Variants in PACS1 observed in about 807,000 individuals in gnomAD.
The protein encoded by PACS1 is phosphofurin acidic cluster sorting protein 1, also known as PACS-1.
Under a neutral mutation model 115.0 loss-of-function variants are expected in PACS1, and 24 were observed. That is an observed-to-expected ratio of 0.21 (90% CI 0.15 to 0.29). PACS1 has a LOEUF of 0.29. PACS1 is among the 10% of genes least tolerant of loss of function. PACS1 has a pLI of 1.00. For missense variants in PACS1, 838 were observed against 1,251.2 expected (o/e 0.67, Z 4.98); for synonymous variants, 453 against 504.5 (o/e 0.90, Z 1.37).
intron 1 of PACS1, among the ~76,000 whole-genome samples, chr11:66,168,565 C>T (rs1420218914): frequency 1.3e-5 from 2 of 150,220 alleles, no homozygotes; most frequent in Non-Finnish European, 2.9e-5. Flanking sequence ...CACCTAGCTG[C>T]TTACAATGTC....
intron 1 of PACS1, among the ~76,000 whole-genome samples, chr11:66,143,620 A>G (rs1248967112): frequency 1.3e-5 from 2 of 152,100 alleles, no homozygotes; most frequent in Admixed American, 1.3e-4. Context: ...TAGTTTGGGA[A>G]GCCATTTGCT....
intron 1 of PACS1, among the ~76,000 whole-genome samples, chr11:66,080,863 A>T (rs1459491445): frequency 6.6e-6 from 1 of 152,136 alleles, no homozygotes; most frequent in Non-Finnish European, 1.5e-5. Context: ...GTCAGATTTT[A>T]CTATTTGAGT....
chr11:66,216,563 G>A lies in PACS1; in HGVS notation c.849G>A (p.Glu283=), dbSNP rs1855214142. 6.2e-7 allele frequency: 1 copy of A among 1,614,188 alleles called. No homozygotes were observed. Among genetic ancestry groups the A allele is most frequent in the Non-Finnish European group, 8.5e-7 (1 of 1,180,006 alleles). ...ACAATTATTCTGAGGAAGAGGAAGA[G>A]AGTTTCTCATCAGAACAGGAAGGCA... ...DIDNYSEEEE[E]SFSSEQEGSD... is the part of the protein sequence containing the mutation. The change falls in exon 6 of 24, where the codon GAG becomes GAA. Residue 283 remains glutamate (E), a synonymous_variant. Coordinates refer to ENST00000320580, the MANE Select transcript of PACS1 (RefSeq NM_018026.4).
intron 2 of PACS1, among the ~76,000 whole-genome samples, chr11:66,195,908 T>A (rs191547038): frequency 6.6e-6 from 1 of 152,332 alleles, no homozygotes; most frequent in African/African-American, 2.4e-5. Flanking sequence ...AGGCCACAAC[T>A]ATTTTCATGA....
chr11:66,144,046 A>G (rs1590776012), intron 1 of PACS1, among the ~76,000 whole-genome samples: 1 of 152,360 alleles, frequency 6.6e-6, no homozygotes, highest in East Asian at 1.9e-4. Context: ...CACAAACTTA[A>G]CGGTGTCAAC....
chr11:66,230,401 C>A, intron 11 of PACS1, 147 bp from the exon 12 acceptor site: 1 of 633,956 alleles, frequency 1.6e-6, no homozygotes. Context: ...TCGGCTGAGG[C>A]AGGAGCTTTA....
chr11:66,119,203 G>T (rs1475153625), intron 1 of PACS1, among the ~76,000 whole-genome samples: 1 of 152,198 alleles, frequency 6.6e-6, no homozygotes, highest in Non-Finnish European at 1.5e-5. Flanking sequence ...ACCTGTTTTT[G>T]TGTAGCCCAT....
chr11:66,095,945 A>T (rs543628792), intron 1 of PACS1, among the ~76,000 whole-genome samples: 94 of 148,628 alleles, frequency 6.3e-4, no homozygotes, highest in African/African-American at 1.4e-3. Flanking sequence ...TTTTTTTTTT[A>T]AATTTTTGAG....
intron 1 of PACS1, among the ~76,000 whole-genome samples, chr11:66,079,873 G>A (rs376030704): frequency 6.6e-6 from 1 of 152,048 alleles, no homozygotes; most frequent in Non-Finnish European, 1.5e-5. Flanking sequence ...TTGTTCCTGC[G>A]GTGGGTCACC....
intron 1 of PACS1, among the ~76,000 whole-genome samples, chr11:66,089,877 G>A (rs1047056147): frequency 6.6e-6 from 1 of 151,866 alleles, no homozygotes; most frequent in Non-Finnish European, 1.5e-5. Context: ...GTGGTGGCGG[G>A]CACCTGTAGT....
chr11:66,195,346 G>A (rs1303552299), intron 2 of PACS1, among the ~76,000 whole-genome samples: 1 of 152,180 alleles, frequency 6.6e-6, no homozygotes, highest in Non-Finnish European at 1.5e-5. Context: ...CAGACACTGT[G>A]TTGGGAAAGC....
Position 66,175,253 on chromosome 11 carries a change from G to A in PACS1, c.357-18233G>A, listed in dbSNP as rs1365161571. Among the ~76,000 whole-genome samples the A allele has an allele frequency of 3.9e-5, 6 of 152,060 alleles. No homozygotes were observed. In the East Asian group the frequency reaches 5.8e-4, roughly 15 times the overall value. On this transcript the variant is annotated intron_variant, in intron 1 of 23. Transcript: ENST00000320580. ...GTTTTGTTTTGTTTTGTTTTAAGTCGTCAGTCTGGGTGCTTCTGTCTTTTT... is the reference window on the plus strand; with the variant it reads ...GTTTTGTTTTGTTTTGTTTTAAGTCATCAGTCTGGGTGCTTCTGTCTTTTT...
At chr11:66,222,913 T>C (rs1435350915) in intron 10 of PACS1, among the ~76,000 whole-genome samples, 1 of 151,850 alleles carries the variant, frequency 6.6e-6, no homozygotes, top group African/African-American at 2.4e-5. Flanking sequence ...GTGACGTTAG[T>C]GAGGCAATGC....
At chr11:66,134,254 CTTTTTTTT>C (rs1162472902) in intron 1 of PACS1, among the ~76,000 whole-genome samples, 7 of 75,070 alleles carry the variant, frequency 9.3e-5, no homozygotes, top group South Asian at 5.8e-4. Context: ...TTTTCTTTTT[CTTTTTTTT>C]TTTTTTTTTT....
chr11:66,080,714 G>C (rs1807834330), intron 1 of PACS1, among the ~76,000 whole-genome samples: 1 of 152,134 alleles, frequency 6.6e-6, no homozygotes, highest in Admixed American at 6.5e-5. Context: ...AGCCCTGTCT[G>C]GTTCTCATAG....
chr11:66,120,306 A>T (rs147868665), intron 1 of PACS1, among the ~76,000 whole-genome samples: 2 of 152,048 alleles, frequency 1.3e-5, no homozygotes, highest in Non-Finnish European at 2.9e-5. Context: ...ATTATTGGCC[A>T]GGCTGTTCTT....
intron 1 of PACS1, among the ~76,000 whole-genome samples, chr11:66,131,222 T>C (rs929164931): frequency 2.6e-5 from 4 of 152,236 alleles, no homozygotes; most frequent in African/African-American, 9.6e-5. Context: ...AAGTAATGCA[T>C]GATTGCTTAA....
chr11:66,076,028 C>T (rs183193857), intron 1 of PACS1, among the ~76,000 whole-genome samples: 67 of 152,214 alleles, frequency 4.4e-4, no homozygotes, highest in African/African-American at 1.5e-3. Flanking sequence ...TGAGCCACCG[C>T]GCTCAGCCAC....
At chr11:66,099,727 GTA>G (rs1857871116) in intron 1 of PACS1, among the ~76,000 whole-genome samples, 1 of 151,336 alleles carries the variant, frequency 6.6e-6, no homozygotes, top group Non-Finnish European at 1.5e-5. Context: ...TGTATTTTTT[GTA>G]GAGTTGGGAT....
Sources: gnomAD v4.1 joint callset for allele counts (sites outside exome capture counted in the v4.1 genomes callset) on GRCh38, gnomAD v4.1.1 for gene constraint, MANE v1.5 for transcripts, NCBI Gene and HGNC (gene_info 2026-07-23, HGNC 2026-07-21) for gene names.